The following ADAMTS16 variants were observed in gnomAD, a reference collection of about 807,000 sequenced individuals.
ADAMTS16 encodes the protein ADAM metallopeptidase with thrombospondin type 1 motif 16.
In ADAMTS16, 94 loss-of-function variants were observed where a neutral mutation model predicts 145.8. The observed-to-expected ratio is 0.64, with a 90% CI of 0.55 to 0.77. The LOEUF (loss-of-function observed/expected upper bound fraction) is 0.77. Ranked by LOEUF, ADAMTS16 falls within the 30% of genes least tolerant of loss-of-function variation. ADAMTS16 has a pLI of 0.00. For synonymous variants in ADAMTS16, 659 were observed against 604.3 expected, an observed-to-expected ratio of 1.09 and a Z score of -1.33; for missense variants, 1,585 against 1,591.5, an observed-to-expected ratio of 1.00 and a Z score of 0.07.
intron 17 of ADAMTS16, among the ~76,000 whole-genome samples, chr5:5,248,472 C>T (rs2126404245): frequency 6.6e-6 from 1 of 152,356 alleles, no homozygotes; most frequent in African/African-American, 2.4e-5. Context: ...CCTTTTGAAG[C>T]TTATGCCCTT....
At chr5:5,265,664 G>A (rs1400272844) in intron 18 of ADAMTS16, among the ~76,000 whole-genome samples, 1 of 152,172 alleles carries the variant, frequency 6.6e-6, no homozygotes, top group African/African-American at 2.4e-5. Context: ...AGGCCTTGTG[G>A]TAAAGTGGGC....
At chr5:5,160,367 A>G (rs1316312667) in intron 3 of ADAMTS16, among the ~76,000 whole-genome samples, 4 of 152,166 alleles carry the variant, frequency 2.6e-5, no homozygotes, top group African/African-American at 9.7e-5. Context: ...TCAGTAGTTC[A>G]GTATATTGTC....
intron 20 of ADAMTS16, among the ~76,000 whole-genome samples, chr5:5,304,419 G>C (rs569233737): frequency 1.0e-3 from 154 of 152,136 alleles, no homozygotes; most frequent in African/African-American, 3.5e-3. Flanking sequence ...AAAGCACTTT[G>C]GAAATCTTAC....
intron 18 of ADAMTS16, among the ~76,000 whole-genome samples, chr5:5,285,202 A>G (rs1310743736): frequency 6.6e-6 from 1 of 152,230 alleles, no homozygotes; most frequent in African/African-American, 2.4e-5. Context: ...AAATAATTGT[A>G]TGGCCTTATA....
At chr5:5,234,594 G>A (rs1352520047) in intron 12 of ADAMTS16, among the ~76,000 whole-genome samples, 2 of 152,152 alleles carry the variant, frequency 1.3e-5, no homozygotes. Context: ...TTTTCCAGCT[G>A]GGCGTGGTGG....
intron 17 of ADAMTS16, among the ~76,000 whole-genome samples, chr5:5,251,121 C>T (rs193223706): frequency 7.9e-5 from 12 of 152,246 alleles, no homozygotes; most frequent in African/African-American, 1.7e-4. Context: ...TTTTTCATTG[C>T]GAATGTCATA....
At chr5:5,160,807 T>C (rs1224104611) in intron 3 of ADAMTS16, among the ~76,000 whole-genome samples, 2 of 150,430 alleles carry the variant, frequency 1.3e-5, no homozygotes, top group Non-Finnish European at 1.5e-5. Context: ...AAGTTACATG[T>C]GTGCACCATT....
intron 6 of ADAMTS16, 133 bp downstream of exon 6, chr5:5,187,941 C>G: frequency 1.7e-6 from 1 of 593,652 alleles, no homozygotes; most frequent in Non-Finnish European, 2.9e-6. Flanking sequence ...TATTTTGTGT[C>G]TACTGCAAAT....
rs564243924 is a variant in ADAMTS16, at chr5:5,140,774, C to A, written c.175+8C>A. ...GCTGGATGGAAAAGGGCGGTAAGTC[C>A]GTGAGGTGGGGGCTTCTAATCCTTG... On this transcript the variant is annotated splice_region_variant and intron_variant, in intron 2 of 22. Coordinates refer to ENST00000274181, the MANE Select transcript of ADAMTS16 (RefSeq NM_139056.4). 20 of 1,551,694 alleles carry A rather than the reference C, an allele frequency of 1.3e-5. No individual in the cohort carries two copies. Among genetic ancestry groups the A allele is most frequent in the South Asian group, 1.1e-4 (9 of 84,500 alleles).
intron 18 of ADAMTS16, among the ~76,000 whole-genome samples, chr5:5,288,040 C>A (rs1347018776): frequency 1.3e-5 from 2 of 152,054 alleles, no homozygotes; most frequent in African/African-American, 2.4e-5. Context: ...GAAACCCTGA[C>A]GCGAAAATGC....
At chr5:5,305,681 A>G (rs1740115734) in intron 20 of ADAMTS16, among the ~76,000 whole-genome samples, 1 of 152,218 alleles carries the variant, frequency 6.6e-6, no homozygotes, top group South Asian at 2.1e-4. Context: ...TGTGAGTGCA[A>G]GGTCAGGACC....
chr5:5,317,498 G>T lies in ADAMTS16; in HGVS notation c.3412-636G>T, dbSNP rs1464698297. Among the ~76,000 whole-genome samples the T allele has an allele frequency of 6.6e-6, 1 of 152,050 alleles. No homozygotes were observed. Among genetic ancestry groups the T allele is most frequent in the South Asian group, 2.1e-4 (1 of 4,828 alleles). On this transcript the variant is annotated intron_variant, in intron 21 of 22. Coordinates refer to ENST00000274181, the MANE Select transcript of ADAMTS16 (RefSeq NM_139056.4). The surrounding 1 kb of genome is among the most constrained non-coding windows in gnomAD (Gnocchi z 4.5). ...CAACCTCTGCCTCCCAGGTTCAGGC[G>T]ATTCTCATGCCTCAGCTTCCCAAGT...
intron 3 of ADAMTS16, among the ~76,000 whole-genome samples, chr5:5,147,726 T>C (rs1273765264): frequency 6.6e-6 from 1 of 152,208 alleles, no homozygotes; most frequent in African/African-American, 2.4e-5. Flanking sequence ...GAACTCTTCA[T>C]GAAATGCACA....
rs920480263 is a variant in ADAMTS16 at position 5,319,542 on chromosome 5, C to T, written c.*404C>T. The T allele has an allele frequency of 3.4e-6, 1 of 289,932 alleles. No homozygotes were observed. Among genetic ancestry groups the T allele is most frequent in the Non-Finnish European group, 6.7e-6 (1 of 150,052 alleles). The allele number at this position is 289,932 out of a possible 1,614,324, so 18.0% of individuals were successfully genotyped here. On this transcript the variant is annotated 3_prime_UTR_variant, in exon 23 of 23. Coordinates refer to ENST00000274181, the MANE Select transcript of ADAMTS16 (RefSeq NM_139056.4). ...AAGGCCATGAAATAAGGAAAACATA[C>T]AAAATATGTACCCCCTAGTTCACCA...
At chr5:5,186,939 A>C (rs1418077700) in intron 5 of ADAMTS16, among the ~76,000 whole-genome samples, 1 of 152,202 alleles carries the variant, frequency 6.6e-6, no homozygotes, top group Non-Finnish European at 1.5e-5. Flanking sequence ...GTACCCCTGA[A>C]TGTGCCCATC....
At chr5:5,183,667 G>T (rs1328638642) in intron 4 of ADAMTS16, among the ~76,000 whole-genome samples, 3 of 152,170 alleles carry the variant, frequency 2.0e-5, no homozygotes, top group South Asian at 2.1e-4. Context: ...GAAGGTGGTC[G>T]CCATGACTCA....
At chr5:5,230,702 C>A (rs1328516885) in intron 11 of ADAMTS16, among the ~76,000 whole-genome samples, 1 of 152,164 alleles carries the variant, frequency 6.6e-6, no homozygotes, top group Non-Finnish European at 1.5e-5. Flanking sequence ...GTCAATACGC[C>A]TTTCTGAGTC....
chr5:5,296,813 A>G (rs1288159185), intron 18 of ADAMTS16, among the ~76,000 whole-genome samples: 1 of 152,152 alleles, frequency 6.6e-6, no homozygotes, highest in East Asian at 1.9e-4. Context: ...ACAGGACTCA[A>G]CCTCAGATGT....
Position 5,319,946 on chromosome 5 carries a change from G to A in ADAMTS16, c.*808G>A. 1 of 454,794 alleles carries A rather than the reference G, an allele frequency of 2.2e-6. No individual in the cohort carries two copies. Among genetic ancestry groups the A allele is most frequent in the Non-Finnish European group, 4.4e-6 (1 of 226,774 alleles). 28.2% of individuals were successfully genotyped at this position (454,794 alleles called of 1,614,324 possible). ...TTCATGCTTTTCTTTGTAAATGACA[G>A]ATCGAAGTATAGGTTACATCAAAAC... On this transcript the variant is annotated 3_prime_UTR_variant, in exon 23 of 23. Coordinates refer to ENST00000274181, the MANE Select transcript of ADAMTS16 (RefSeq NM_139056.4).
Sources: allele counts gnomAD v4.1 joint callset (sites outside exome capture counted in the v4.1 genomes callset), GRCh38; gene constraint gnomAD v4.1.1; non-coding constraint Gnocchi (gnomAD v3.1); transcripts MANE v1.5; gene names NCBI Gene and HGNC (gene_info 2026-07-23, HGNC 2026-07-21).